DACH1: variants seen among roughly 807,000 people sequenced by gnomAD.
The protein encoded by DACH1 is dachshund homolog 1.
Under a neutral mutation model 54.2 loss-of-function variants are expected in DACH1, and 12 were observed. That is an observed-to-expected ratio of 0.22 (90% CI 0.14 to 0.36). DACH1 has a LOEUF of 0.36. Among genes scored for constraint, DACH1 ranks in the 10% least tolerant of loss-of-function variants. The probability of loss-of-function intolerance (pLI) is 1.00; values close to 1 mark genes in which losing one functional copy is unlikely to be tolerated. For synonymous variants in DACH1, 386 were observed against 366.2 expected (o/e 1.05, Z -0.62); for missense variants, 805 against 929.8 (o/e 0.87, Z 1.75).
At position 71,839,004 on chromosome 13, in the gene DACH1, C is replaced by A. The variant is rs1209268427; in HGVS notation, c.848+26918G>T. Among the ~76,000 whole-genome samples, 3 of 152,146 alleles carry A rather than the reference C, an allele frequency of 2.0e-5. No homozygotes were observed. The East Asian group carries it at 5.8e-4, about 29-fold the overall frequency. On this transcript the variant is annotated intron_variant, in intron 1 of 10. Transcript: ENST00000613252. ...TTGACACTAGTTATTATCACAAGCT[C>A]AGAATCAAACACAATAAAGGTATTT...
intron 1 of DACH1, among the ~76,000 whole-genome samples, chr13:71,783,972 A>C (rs980881213): frequency 9.3e-5 from 14 of 150,736 alleles, no homozygotes; most frequent in Admixed American, 4.0e-4. Flanking sequence ...TTTAAAAAAA[A>C]AAAAAAAACA....
chr13:71,601,011 T>C (rs1189040397), intron 3 of DACH1, among the ~76,000 whole-genome samples: 1 of 151,786 alleles, frequency 6.6e-6, no homozygotes, highest in African/African-American at 2.4e-5. Context: ...CAATTCAGGT[T>C]CCATAATTCC....
At chr13:71,548,866 T>C (rs1032701299) in intron 6 of DACH1, among the ~76,000 whole-genome samples, 1 of 151,898 alleles carries the variant, frequency 6.6e-6, no homozygotes, top group East Asian at 1.9e-4. Context: ...AAGTGAACCA[T>C]GTTTTGTGCC....
chr13:71,547,498 C>A (rs1883534989), intron 6 of DACH1, among the ~76,000 whole-genome samples: 1 of 151,970 alleles, frequency 6.6e-6, no homozygotes, highest in Non-Finnish European at 1.5e-5. Context: ...ATACTAGCAA[C>A]AATAGTAATG....
chr13:71,859,432 T>G (rs1432159816), intron 1 of DACH1, among the ~76,000 whole-genome samples: 1 of 151,862 alleles, frequency 6.6e-6, no homozygotes, highest in Non-Finnish European at 1.5e-5. Context: ...TATTTTTTAA[T>G]TGGACATTTA....
At chr13:71,512,574 C>T (rs562375062) in intron 6 of DACH1, among the ~76,000 whole-genome samples, 1 of 151,954 alleles carries the variant, frequency 6.6e-6, no homozygotes, top group East Asian at 1.9e-4. Flanking sequence ...GACCAATAAA[C>T]TCCAAAAATT....
intron 2 of DACH1, 119 bp downstream of exon 2, chr13:71,681,676 T>G (rs1385833012): frequency 1.7e-6 from 1 of 577,056 alleles, no homozygotes. Flanking sequence ...TAACATTATC[T>G]TAGTGTGCAC....
chr13:71,754,520 T>C (rs1885061061), intron 1 of DACH1, among the ~76,000 whole-genome samples: 1 of 152,100 alleles, frequency 6.6e-6, no homozygotes, highest in African/African-American at 2.4e-5. Flanking sequence ...GAGTTTTGTT[T>C]TACAGATGAG....
intron 1 of DACH1, among the ~76,000 whole-genome samples, chr13:71,702,165 C>T (rs1306217589): frequency 6.6e-6 from 1 of 152,122 alleles, no homozygotes; most frequent in Non-Finnish European, 1.5e-5. Context: ...AAATTATTCA[C>T]ATCTAAAGAC....
chr13:71,570,608 GAGA>G (rs1364622591), intron 4 of DACH1, among the ~76,000 whole-genome samples: 14 of 152,132 alleles, frequency 9.2e-5, no homozygotes, highest in Admixed American at 5.2e-4. Flanking sequence ...TTTGCAACAG[GAGA>G]AGAAGTGAGA....
At chr13:71,446,733 C>T (rs1874501589) in intron 10 of DACH1, among the ~76,000 whole-genome samples, 2 of 152,198 alleles carry the variant, frequency 1.3e-5, no homozygotes, top group Non-Finnish European at 2.9e-5. Context: ...ATTTGTCTCG[C>T]TGCCTTGTGG....
chr13:71,693,296 C>CTTTTTTTTTTTTTTTT lies in DACH1; in HGVS notation c.849-11402_849-11387dup, dbSNP rs869289138. ...AATACCCTCTTATCCATTTGTTTTG[C>CTTTTTTTTTTTTTTTT]TTTTTTTTTTTTTTTTTTTTTTTGA... is the stretch of plus-strand genomic sequence containing the variant. On this transcript the variant is annotated intron_variant, in intron 1 of 10. Transcript: ENST00000613252. 8.8e-5 allele frequency among the ~76,000 whole-genome samples: 8 copies of CTTTTTTTTTTTTTTTT among 90,962 alleles called. 1 individual carries two copies. The highest frequency in any genetic ancestry group is 2.6e-4 in the African/African-American group (5 of 19,394). 59.7% of individuals were successfully genotyped at this position (90,962 alleles called of 152,430 possible).
At chr13:71,613,870 C>T (rs1046982397) in intron 3 of DACH1, among the ~76,000 whole-genome samples, 2 of 151,584 alleles carry the variant, frequency 1.3e-5, no homozygotes, top group African/African-American at 4.9e-5. Context: ...TGCCACCATG[C>T]CCAGCTAATT....
intron 1 of DACH1, among the ~76,000 whole-genome samples, chr13:71,806,210 T>A (rs558732696): frequency 6.6e-6 from 1 of 152,342 alleles, no homozygotes; most frequent in Non-Finnish European, 1.5e-5. Flanking sequence ...CTTTCATTTA[T>A]TAAAATCTGA....
At chr13:71,483,325 C>T (rs1878212201) in intron 7 of DACH1, among the ~76,000 whole-genome samples, 1 of 148,094 alleles carries the variant, frequency 6.8e-6, no homozygotes, top group South Asian at 2.1e-4. Context: ...GGGGTTTATG[C>T]AAAGTCTTCT....
At chr13:71,636,647 A>C (rs892603103) in intron 2 of DACH1, among the ~76,000 whole-genome samples, 1 of 151,530 alleles carries the variant, frequency 6.6e-6, no homozygotes, top group Non-Finnish European at 1.5e-5. Context: ...CCTTCAGTGG[A>C]AAGATAATAA....
intron 3 of DACH1, among the ~76,000 whole-genome samples, chr13:71,611,992 T>G (rs1255984221): frequency 6.6e-6 from 1 of 152,134 alleles, no homozygotes; most frequent in Non-Finnish European, 1.5e-5. Context: ...GACAATCGTA[T>G]GAGGATGAAT....
intron 6 of DACH1, among the ~76,000 whole-genome samples, chr13:71,516,957 TAAG>T (rs1334230775): frequency 6.6e-6 from 1 of 151,392 alleles, no homozygotes; most frequent in Non-Finnish European, 1.5e-5. Context: ...ATTTGAGACT[TAAG>T]AGCCATTATA....
intron 1 of DACH1, among the ~76,000 whole-genome samples, chr13:71,809,763 G>C (rs1887640060): frequency 6.6e-6 from 1 of 152,154 alleles, no homozygotes; most frequent in Admixed American, 6.6e-5. Context: ...CCTTATAAGT[G>C]TAGAGGTAGA....
Sources: gnomAD v4.1 joint callset for allele counts (sites outside exome capture counted in the v4.1 genomes callset) on GRCh38, gnomAD v4.1.1 for gene constraint, MANE v1.5 for transcripts, NCBI Gene and HGNC (gene_info 2026-07-23, HGNC 2026-07-21) for gene names.